The following ZNF540 variants were observed in gnomAD, a reference collection of about 807,000 sequenced individuals.
ZNF540 encodes the protein zinc finger protein 540.
A neutral mutation model predicts 11.8 loss-of-function variants in ZNF540; 3 were observed. The observed-to-expected ratio is 0.25, with a 90% CI of 0.12 to 0.65. The LOEUF is 0.65. Ranked by LOEUF, ZNF540 falls within the 30% of genes least tolerant of loss-of-function variation. The probability of loss-of-function intolerance (pLI) is 0.83; values close to 1 mark genes in which losing one functional copy is unlikely to be tolerated. For synonymous variants in ZNF540, 247 were observed against 259.0 expected, an observed-to-expected ratio of 0.95 and a Z score of 0.45; for missense variants, 709 against 793.1, an observed-to-expected ratio of 0.89 and a Z score of 1.27.
At chr19:37,564,439 A>G in intron 1 of ZNF540, 1 of 520,950 alleles carries the variant, frequency 1.9e-6, no homozygotes, top group South Asian at 6.2e-5. Context: ...TAGAGATGTT[A>G]AGGAATTATT....
At chr19:37,552,240 CAG>C (rs1249037122) in intron 1 of ZNF540, among the ~76,000 whole-genome samples, 1 of 152,072 alleles carries the variant, frequency 6.6e-6, no homozygotes, top group Non-Finnish European at 1.5e-5. Flanking sequence ...GGTTAGAAAA[CAG>C]ATTTTCTGAT....
In ZNF540 at chr19:37,601,063, C is replaced by T; in HGVS notation, c.190C>T (p.Pro64Ser). The T allele has an allele frequency of 6.3e-7, 1 of 1,591,606 alleles. No individual in the cohort carries two copies. Among genetic ancestry groups the T allele is most frequent in the Non-Finnish European group, 8.6e-7 (1 of 1,169,060 alleles). The change falls in exon 4 of 5, where the codon CCC becomes TCC. Residue 64 changes from proline to serine, a missense_variant. Physicochemically the swap from Pro to Ser is moderately conservative, Grantham distance 74 (BLOSUM62 -1). Coordinates refer to ENST00000316433, the MANE Select transcript of ZNF540 (RefSeq NM_001172225.3). The stretch of plus-strand genomic sequence containing the variant: ...TACCTTACTGGAGCAAGGGAAAGAG[C>T]CCTGCGTGGTGGCGAGGGATGTGAC... The part of the protein sequence containing the change: ...VITLLEQGKE[P>S]CVVARDVTGR...
At chr19:37,570,495 CAATGTT>C (rs1338625818) in intron 1 of ZNF540, among the ~76,000 whole-genome samples, 1 of 152,184 alleles carries the variant, frequency 6.6e-6, no homozygotes, top group Non-Finnish European at 1.5e-5. Context: ...AAAATATACT[CAATGTT>C]AATTTTTCTA....
At chr19:37,574,046 AAACATATACT>A (rs2043159285) in intron 1 of ZNF540, among the ~76,000 whole-genome samples, 1 of 152,130 alleles carries the variant, frequency 6.6e-6, no homozygotes, top group African/African-American at 2.4e-5. Context: ...TGTATTCCTG[AAACATATACT>A]TTTTCTATGC....
chr19:37,583,054 C>T (rs2043529407), intron 1 of ZNF540, among the ~76,000 whole-genome samples: 1 of 152,204 alleles, frequency 6.6e-6, no homozygotes, highest in Non-Finnish European at 1.5e-5. Context: ...TTTCCACTTT[C>T]AGTAGCCACA....
intron 1 of ZNF540, among the ~76,000 whole-genome samples, chr19:37,576,675 G>C (rs1346164455): frequency 3.3e-5 from 5 of 152,018 alleles, no homozygotes; most frequent in Admixed American, 3.3e-4. Flanking sequence ...CCTTAACTAG[G>C]TCATAAAAAG....
intron 1 of ZNF540, among the ~76,000 whole-genome samples, chr19:37,553,042 G>T (rs1568333209): frequency 8.1e-6 from 1 of 123,448 alleles, no homozygotes; most frequent in South Asian, 2.8e-4. Flanking sequence ...TAACCTATTT[G>T]AGTTGGTATA....
intron 2 of ZNF540, 146 bp downstream of exon 2, chr19:37,598,602 TA>T: frequency 3.7e-6 from 3 of 802,678 alleles, no homozygotes; most frequent in Non-Finnish European, 6.2e-6. Context: ...CTCTCTTTTC[TA>T]ACCAGTATCC....
At chr19:37,556,388 C>G (rs1214516158) in intron 1 of ZNF540, among the ~76,000 whole-genome samples, 1 of 152,192 alleles carries the variant, frequency 6.6e-6, no homozygotes, top group African/African-American at 2.4e-5. Context: ...CTGACCCAGG[C>G]CTGGGGACCC....
At chr19:37,582,695 C>G (rs2043514328) in intron 1 of ZNF540, among the ~76,000 whole-genome samples, 1 of 152,162 alleles carries the variant, frequency 6.6e-6, no homozygotes, top group Non-Finnish European at 1.5e-5. Flanking sequence ...CCTTCCAAAC[C>G]CTGATGCCTC....
chr19:37,579,468 C>G (rs953622764), intron 1 of ZNF540, among the ~76,000 whole-genome samples: 11 of 152,212 alleles, frequency 7.2e-5, no homozygotes, highest in African/African-American at 2.7e-4. Context: ...CATCGGAAAA[C>G]AGGTGACCCT....
At chr19:37,570,882 C>CAT (rs1415572908) in intron 1 of ZNF540, among the ~76,000 whole-genome samples, 1 of 151,756 alleles carries the variant, frequency 6.6e-6, no homozygotes, top group Non-Finnish European at 1.5e-5. Flanking sequence ...TTACCAAAAG[C>CAT]ATATGTAGAA....
chr19:37,611,547 T>G lies in ZNF540; in HGVS notation c.267T>G (p.Ser89=). 2 of 1,602,888 alleles carry G rather than the reference T, an allele frequency of 1.2e-6. No individual in the cohort carries two copies. The highest frequency in any genetic ancestry group is 1.7e-6 in the Non-Finnish European group (2 of 1,175,708). ...LLSRHKTKKL[S]SEKDIHEISL... ...CCAGGCATAAGACCAAGAAATTATCTTCAGAAAAGGACATTCATGAAATCA... is the reference window on the plus strand; with the variant it reads ...CCAGGCATAAGACCAAGAAATTATCGTCAGAAAAGGACATTCATGAAATCA... The change falls in exon 5 of 5, where the codon TCT becomes TCG. Residue 89 remains serine, a synonymous_variant. Coordinates refer to ENST00000316433, the MANE Select transcript of ZNF540 (RefSeq NM_001172225.3).
chr19:37,606,519 A>G (rs180785427), intron 4 of ZNF540, among the ~76,000 whole-genome samples: 146 of 152,302 alleles, frequency 9.6e-4, no homozygotes, highest in Middle Eastern at 6.8e-3. Flanking sequence ...CAAACTACCT[A>G]TATCGGTGTA....
intron 1 of ZNF540, chr19:37,565,904 G>A (rs773836238): frequency 1.2e-6 from 2 of 1,613,794 alleles, no homozygotes; most frequent in Non-Finnish European, 1.7e-6. Flanking sequence ...TTTGCTAAAG[G>A]TATTCCTGTG....
chr19:37,583,720 G>A (rs2043557826), intron 1 of ZNF540: 1 of 360,840 alleles, frequency 2.8e-6, no homozygotes, highest in South Asian at 4.2e-5. Flanking sequence ...AATGGTGCAT[G>A]GTCATGCTAG....
At chr19:37,576,781 C>T (rs570186870) in intron 1 of ZNF540, among the ~76,000 whole-genome samples, 3 of 152,242 alleles carry the variant, frequency 2.0e-5, no homozygotes, top group Admixed American at 2.0e-4. Flanking sequence ...CCCCAATATG[C>T]TTAGCCATAA....
chr19:37,559,889 A>G (rs1376989887), intron 1 of ZNF540, among the ~76,000 whole-genome samples: 2 of 152,210 alleles, frequency 1.3e-5, no homozygotes, highest in African/African-American at 4.8e-5. Context: ...ACCAGACTGA[A>G]ATGACACCCA....
At chr19:37,568,393 G>A (rs1347885851) in intron 1 of ZNF540, among the ~76,000 whole-genome samples, 3 of 149,288 alleles carry the variant, frequency 2.0e-5, no homozygotes, top group Admixed American at 2.0e-4. Context: ...CCTAGAACAA[G>A]ATAGACCCTG....
Sources: gnomAD v4.1 joint callset for allele counts (sites outside exome capture counted in the v4.1 genomes callset) on GRCh38, gnomAD v4.1.1 for gene constraint, MANE v1.5 for transcripts, NCBI Gene and HGNC (gene_info 2026-07-23, HGNC 2026-07-21) for gene names.